The following XKR9 variants were observed in gnomAD, a reference collection of about 807,000 sequenced individuals.
XKR9 encodes XK-related protein 9.
XKR9 carries 32 observed loss-of-function variants against 32.0 expected under a neutral mutation model. The ratio of observed to expected loss-of-function variants is 1.00; its 90% CI spans 0.76 to 1.34. The LOEUF (loss-of-function observed/expected upper bound fraction) is 1.34. Ranked by LOEUF, XKR9 falls within the 40% of genes most tolerant of loss-of-function variation. XKR9 has a pLI of 0.00. For synonymous variants in XKR9, 168 were observed against 143.4 expected, an observed-to-expected ratio of 1.17 and a Z score of -1.22; for missense variants, 546 against 429.7, an observed-to-expected ratio of 1.27 and a Z score of -2.39.
At chr8:71,023,373 A>T in the XKR9 span, among the ~76,000 whole-genome samples, 1 of 151,936 alleles carries the variant, frequency 6.6e-6, no homozygotes, top group Non-Finnish European at 1.5e-5. Context: ...TTGGCTATAA[A>T]CACCATCGAT....
At chr8:71,064,522 A>G in the XKR9 span, among the ~76,000 whole-genome samples, 1 of 152,158 alleles carries the variant, frequency 6.6e-6, no homozygotes, top group African/African-American at 2.4e-5. Context: ...CTTGTGTTCA[A>G]TTTTAGAGGT....
intron 4 of XKR9, among the ~76,000 whole-genome samples, chr8:70,724,071 G>A (rs1259172502): frequency 1.3e-5 from 2 of 152,042 alleles, no homozygotes; most frequent in African/African-American, 4.8e-5. Context: ...CTTTTCTTCG[G>A]AGATGCCCTG....
the XKR9 span, among the ~76,000 whole-genome samples, chr8:70,818,422 A>C: frequency 2.4e-4 from 36 of 152,262 alleles, no homozygotes; most frequent in African/African-American, 8.4e-4. Context: ...TTTATGGACT[A>C]TCTTTTGCTT....
intron 2 of XKR9, among the ~76,000 whole-genome samples, chr8:70,777,035 G>A (rs1235504302): frequency 6.7e-6 from 1 of 150,192 alleles, no homozygotes; most frequent in Non-Finnish European, 1.5e-5. Context: ...GTATACATGT[G>A]CCATGTTGGT....
chr8:70,842,051 A>G, the XKR9 span, among the ~76,000 whole-genome samples: 5 of 152,176 alleles, frequency 3.3e-5, no homozygotes, highest in East Asian at 1.9e-4. Flanking sequence ...CCATCTAGTT[A>G]GACAAAATAG....
chr8:70,749,030 C>T (rs1207964752), intron 2 of XKR9, among the ~76,000 whole-genome samples: 1 of 152,192 alleles, frequency 6.6e-6, no homozygotes, highest in Non-Finnish European at 1.5e-5. Flanking sequence ...TGGAAAGGAG[C>T]TACCCACCAT....
chr8:71,020,482 G>A, the XKR9 span, among the ~76,000 whole-genome samples: 181 of 152,256 alleles, frequency 1.2e-3, no homozygotes, highest in African/African-American at 4.2e-3. Context: ...TGACAATTCC[G>A]TAGTATCACC....
At chr8:70,870,897 G>A in the XKR9 span, among the ~76,000 whole-genome samples, 1 of 152,144 alleles carries the variant, frequency 6.6e-6, no homozygotes, top group African/African-American at 2.4e-5. Context: ...AGATAAGGGG[G>A]AAACTGTTTG....
At chr8:70,870,102 A>G in the XKR9 span, among the ~76,000 whole-genome samples, 1 of 152,172 alleles carries the variant, frequency 6.6e-6, no homozygotes, top group African/African-American at 2.4e-5. Context: ...TTTTTTGATG[A>G]TTTACTTGAG....
At chr8:70,821,101 G>A in the XKR9 span, among the ~76,000 whole-genome samples, 28 of 152,312 alleles carry the variant, frequency 1.8e-4, no homozygotes, top group East Asian at 5.4e-3. Flanking sequence ...TTACTTCTAA[G>A]ATACAATGAG....
chr8:70,794,239 C>G (rs1490772313), downstream of XKR9, among the ~76,000 whole-genome samples: 1 of 151,986 alleles, frequency 6.6e-6, no homozygotes, highest in East Asian at 1.9e-4. Flanking sequence ...TTTATTAGTT[C>G]TAACAGGTTT....
chr8:70,679,502 T>A (rs1211364466), intron 2 of XKR9, among the ~76,000 whole-genome samples: 4 of 152,210 alleles, frequency 2.6e-5, no homozygotes, highest in Non-Finnish European at 5.9e-5. Context: ...AGTAGGTAGC[T>A]GCATTAACAT....
chr8:70,948,745 A>G, the XKR9 span, among the ~76,000 whole-genome samples: 1 of 152,238 alleles, frequency 6.6e-6, no homozygotes, highest in Non-Finnish European at 1.5e-5. Context: ...GAATAATCCA[A>G]GTTTCTATTA....
chr8:70,803,370 G>C, the XKR9 span, among the ~76,000 whole-genome samples: 1 of 152,022 alleles, frequency 6.6e-6, no homozygotes, highest in Non-Finnish European at 1.5e-5. Flanking sequence ...AGATTCCTTG[G>C]ATTGGGTTTC....
intron 3 of XKR9, among the ~76,000 whole-genome samples, chr8:70,697,974 A>G (rs1377084260): frequency 1.3e-5 from 2 of 151,970 alleles, no homozygotes; most frequent in Admixed American, 1.3e-4. Context: ...ATTTGTGTAG[A>G]GGTGTTTGTA....
intron 2 of XKR9, among the ~76,000 whole-genome samples, chr8:70,754,044 G>A (rs554097524): frequency 1.4e-5 from 2 of 146,620 alleles, no homozygotes; most frequent in East Asian, 4.3e-4. Context: ...ATCTCCTTAA[G>A]CTGATAAGCA....
At chr8:70,827,127 G>A in the XKR9 span, among the ~76,000 whole-genome samples, 2 of 152,024 alleles carry the variant, frequency 1.3e-5, no homozygotes, top group East Asian at 1.9e-4. Context: ...TGCCTCTGTG[G>A]AACATAAAAC....
chr8:70,848,721 A>T, the XKR9 span, among the ~76,000 whole-genome samples: 1 of 151,594 alleles, frequency 6.6e-6, no homozygotes, highest in Admixed American at 6.6e-5. Context: ...ATGTAGGCTC[A>T]AAATAAAGGG....
At chr8:70,990,222 A>G in the XKR9 span, among the ~76,000 whole-genome samples, 1 of 152,320 alleles carries the variant, frequency 6.6e-6, no homozygotes, top group East Asian at 1.9e-4. Flanking sequence ...TAAACTGTCA[A>G]TTGCTAATAT....
Sources: gnomAD v4.1 joint callset for allele counts (sites outside exome capture counted in the v4.1 genomes callset) on GRCh38, gnomAD v4.1.1 for gene constraint, MANE v1.5 for transcripts, NCBI Gene and HGNC (gene_info 2026-07-23, HGNC 2026-07-21) for gene names.